Variants in SNTB2 observed in about 807,000 individuals in gnomAD.
SNTB2 encodes beta-2-syntrophin.
In SNTB2, 34 loss-of-function variants were observed where a neutral mutation model predicts 46.2. The ratio of observed to expected loss-of-function variants is 0.74; its 90% CI spans 0.56 to 0.98. The LOEUF (loss-of-function observed/expected upper bound fraction) is 0.98, where lower values mean the gene tolerates loss of function less well. SNTB2 is among the 50% of genes least tolerant of loss of function. The pLI is 0.00. For synonymous variants in SNTB2, 290 were observed against 312.6 expected, an observed-to-expected ratio of 0.93 and a Z score of 0.76; for missense variants, 603 against 731.4, an observed-to-expected ratio of 0.82 and a Z score of 2.02.
At position 69,306,416 on chromosome 16, in the gene SNTB2, C is replaced by T. The variant is rs2143224557; in HGVS notation, c.*5492C>T. ...CCCACGTTGGGTGACTGAACTGATG[C>T]TTATTCTAGTTTTAGAAGAGGATCC... On this transcript the variant is annotated 3_prime_UTR_variant, in exon 7 of 7. Transcript: ENST00000336278. 6.6e-6 allele frequency: 1 copy of T among 152,324 alleles called. No individual in the cohort carries two copies. Among genetic ancestry groups the T allele is most frequent in the East Asian group, 1.9e-4 (1 of 5,186 alleles). The allele number at this position is 152,324 out of a possible 1,614,324, so 9.4% of individuals were successfully genotyped here.
intron 5 of SNTB2, among the ~76,000 whole-genome samples, chr16:69,298,733 G>C (rs1965250540): frequency 6.6e-6 from 1 of 151,770 alleles, no homozygotes; most frequent in South Asian, 2.1e-4. Flanking sequence ...TGTTGGCCAG[G>C]CTAGTCTCTA....
intron 1 of SNTB2, among the ~76,000 whole-genome samples, chr16:69,199,639 G>A (rs575599868): frequency 5.2e-4 from 74 of 142,956 alleles, no homozygotes; most frequent in African/African-American, 2.0e-3. Flanking sequence ...AAGCGCAGAT[G>A]AATCACTTAG....
intron 2 of SNTB2, among the ~76,000 whole-genome samples, chr16:69,248,099 G>A (rs2143049789): frequency 6.6e-6 from 1 of 152,276 alleles, no homozygotes; most frequent in Non-Finnish European, 1.5e-5. Context: ...CTGTAGCCTG[G>A]GTGACAGAAC....
intron 1 of SNTB2, among the ~76,000 whole-genome samples, chr16:69,190,937 A>G (rs575508967): frequency 6.6e-6 from 1 of 152,306 alleles, no homozygotes; most frequent in African/African-American, 2.4e-5. Context: ...GAATACAGCA[A>G]TGAACAGCAC....
At chr16:69,267,512 A>G (rs1567410846) in intron 3 of SNTB2, among the ~76,000 whole-genome samples, 1 of 152,250 alleles carries the variant, frequency 6.6e-6, no homozygotes, top group African/African-American at 2.4e-5. Flanking sequence ...GTCCTTCCAG[A>G]CATTGGAGAG....
chr16:69,241,928 CAA>C (rs10604855), intron 1 of SNTB2: 2,023 of 63,340 alleles, frequency 0.032, 48 homozygotes, highest in African/African-American at 0.11. Flanking sequence ...GACCTTGTCT[CAA>C]AAAAAAAAAA....
intron 1 of SNTB2, among the ~76,000 whole-genome samples, chr16:69,223,423 G>C (rs1287188110): frequency 1.3e-5 from 2 of 151,990 alleles, no homozygotes; most frequent in Non-Finnish European, 2.9e-5. Flanking sequence ...TCCAATTCCT[G>C]ACTTCAGGTA....
Position 69,300,944 on chromosome 16 carries a change from G to A in SNTB2, c.*20G>A. On this transcript the variant is annotated 3_prime_UTR_variant, in exon 7 of 7. Transcript: ENST00000336278. ...GTATGAGCAACAAAAAATCAGAAAA[G>A]AGCCTTGACTGTCACAAGAAATATT... 1 of 1,462,842 alleles carries A rather than the reference G, an allele frequency of 6.8e-7. No homozygotes were observed. Among genetic ancestry groups the A allele is most frequent in the East Asian group, 2.3e-5 (1 of 44,060 alleles). 90.6% of individuals were successfully genotyped at this position (1,462,842 alleles called of 1,614,324 possible). A position where few individuals can be genotyped will look rare whatever the true frequency, so the allele number is the denominator to read the frequency against.
At chr16:69,231,131 A>G (rs1031828126) in intron 1 of SNTB2, 2 of 152,170 alleles carry the variant, frequency 1.3e-5, no homozygotes, top group Non-Finnish European at 2.9e-5. Flanking sequence ...TTCTAATCCT[A>G]TATAGAGTCT....
intron 1 of SNTB2, among the ~76,000 whole-genome samples, chr16:69,235,043 G>A (rs1258534459): frequency 6.6e-6 from 1 of 151,634 alleles, no homozygotes; most frequent in East Asian, 1.9e-4. Flanking sequence ...TTTTTGAGAC[G>A]GAGTCTCTCC....
At chr16:69,233,038 G>A (rs1964523051) in intron 1 of SNTB2, among the ~76,000 whole-genome samples, 7 of 152,164 alleles carry the variant, frequency 4.6e-5, no homozygotes. Context: ...AGGAAAGATG[G>A]ATAATGAACT....
intron 4 of SNTB2, among the ~76,000 whole-genome samples, chr16:69,274,966 G>A (rs1964972876): frequency 1.3e-5 from 2 of 152,028 alleles, no homozygotes; most frequent in African/African-American, 2.4e-5. Context: ...CTGATTGTCT[G>A]CCTTCCTTCC....
At chr16:69,292,978 G>A (rs1264847137) in intron 5 of SNTB2, among the ~76,000 whole-genome samples, 3 of 152,056 alleles carry the variant, frequency 2.0e-5, no homozygotes, top group Non-Finnish European at 4.4e-5. Context: ...AAGGAAAACC[G>A]GGATTGGTGG....
At chr16:69,246,239 A>G (rs1964669099) in intron 2 of SNTB2, among the ~76,000 whole-genome samples, 2 of 152,142 alleles carry the variant, frequency 1.3e-5, no homozygotes, top group Admixed American at 6.6e-5. Flanking sequence ...CATCCCATCA[A>G]TACCTAATTT....
rs147326318 is a variant in SNTB2, at chr16:69,226,090, G to A, written c.581-19512G>A. Among the ~76,000 whole-genome samples the A allele has an allele frequency of 6.9e-3, 1,036 of 151,232 alleles. 35 individuals are homozygous for A. Among genetic ancestry groups the A allele is most frequent in the Admixed American group, 0.051 (777 of 15,120 alleles). On this transcript the variant is annotated intron_variant, in intron 1 of 6. Transcript: ENST00000336278. ...TCTGTTTTTTGTTTTTTGATTTTTC[G>A]AGAAGGAGTCTCACTCTGTTGCCCA...
chr16:69,188,855 A>C (rs1009667147), intron 1 of SNTB2, among the ~76,000 whole-genome samples: 1 of 152,224 alleles, frequency 6.6e-6, no homozygotes, highest in Admixed American at 6.5e-5. Flanking sequence ...AGGAATGCAA[A>C]GTTAGAAAAT....
At chr16:69,252,982 C>A (rs2143066041) in intron 2 of SNTB2, among the ~76,000 whole-genome samples, 1 of 149,798 alleles carries the variant, frequency 6.7e-6, no homozygotes, top group South Asian at 2.1e-4. Context: ...TCACTGCAAG[C>A]TCCACCTCCC....
intron 1 of SNTB2, chr16:69,240,653 T>G (rs1230288340): frequency 6.6e-6 from 1 of 152,222 alleles, no homozygotes; most frequent in East Asian, 1.9e-4. Flanking sequence ...TAACTTAGTT[T>G]CACTTAAACT....
chr16:69,302,222 G>C lies in SNTB2; in HGVS notation c.*1298G>C, dbSNP rs1399689291. 6.6e-6 allele frequency: 1 copy of C among 152,208 alleles called. No individual in the cohort carries two copies. Among genetic ancestry groups the C allele is most frequent in the Non-Finnish European group, 1.5e-5 (1 of 68,042 alleles). The allele number at this position is 152,208 out of a possible 1,614,324, so 9.4% of individuals were successfully genotyped here. A position where few individuals can be genotyped will look rare whatever the true frequency, so the allele number is the denominator to read the frequency against. On this transcript the variant is annotated 3_prime_UTR_variant, in exon 7 of 7. Coordinates refer to ENST00000336278, the MANE Select transcript of SNTB2 (RefSeq NM_006750.4). Reference sequence around the variant, plus strand: ...TGCCAGATATCATTAGGACACAGTAGCAGCAAGAATGCTGATTTTGTAGTG... The same window carrying C: ...TGCCAGATATCATTAGGACACAGTACCAGCAAGAATGCTGATTTTGTAGTG...
Sources: allele counts gnomAD v4.1 joint callset (sites outside exome capture counted in the v4.1 genomes callset), GRCh38; gene constraint gnomAD v4.1.1; transcripts MANE v1.5; gene names NCBI Gene and HGNC (gene_info 2026-07-23, HGNC 2026-07-21).